NRXN3: variants seen among roughly 807,000 people sequenced by gnomAD.
NRXN3 encodes the protein neurexin III.
Under a neutral mutation model 137.6 loss-of-function variants are expected in NRXN3, and 32 were observed. The ratio of observed to expected loss-of-function variants is 0.23; its 90% CI spans 0.18 to 0.31. NRXN3 has a LOEUF of 0.31. NRXN3 is among the 10% of genes least tolerant of loss of function. The pLI is 1.00. For synonymous variants in NRXN3, 798 were observed against 784.5 expected (o/e 1.02, Z -0.29); for missense variants, 1,574 against 2,062.5 (o/e 0.76, Z 4.59).
chr14:78,419,944 T>TGC (rs1469709244), intron 4 of NRXN3, among the ~76,000 whole-genome samples: 4,657 of 17,132 alleles, frequency 0.27, 177 homozygotes, highest in South Asian at 0.43. Flanking sequence ...TGCACGTGTG[T>TGC]GCGCGCGCGC....
At chr14:78,424,605 T>A (rs2093587566) in intron 4 of NRXN3, among the ~76,000 whole-genome samples, 1 of 152,254 alleles carries the variant, frequency 6.6e-6, no homozygotes, top group African/African-American at 2.4e-5. Context: ...CTTTGTAATC[T>A]GAGACATCCC....
chr14:79,225,388 T>C lies in NRXN3; in HGVS notation c.3262+237247T>C, dbSNP rs537092283. Among the ~76,000 whole-genome samples, 36 of 152,304 alleles carry C rather than the reference T, an allele frequency of 2.4e-4. No individual in the cohort carries two copies. The East Asian group carries it at 6.6e-3, about 28-fold the overall frequency. On this transcript the variant is annotated intron_variant, in intron 15 of 20. Coordinates refer to ENST00000335750, the MANE Select transcript of NRXN3 (RefSeq NM_001330195.2). ...GGCCATAGGATAGCCTCATGTGCAC[T>C]TAGCTCAATGTTACTCTGAGTTTCT... is the stretch of plus-strand genomic sequence containing the variant.
chr14:78,977,987 C>T (rs1460617349), intron 14 of NRXN3, among the ~76,000 whole-genome samples: 1 of 152,092 alleles, frequency 6.6e-6, no homozygotes, highest in East Asian at 1.9e-4. Flanking sequence ...TACCATGAAG[C>T]CATCTCAGTC....
intron 10 of NRXN3, among the ~76,000 whole-genome samples, chr14:78,837,127 T>C (rs2098999332): frequency 6.6e-6 from 1 of 152,200 alleles, no homozygotes; most frequent in South Asian, 2.1e-4. Context: ...AAAAGTGAGA[T>C]TGTGAATGCA....
At chr14:78,874,973 C>T (rs1414896456) in intron 10 of NRXN3, among the ~76,000 whole-genome samples, 2 of 152,140 alleles carry the variant, frequency 1.3e-5, no homozygotes, top group African/African-American at 2.4e-5. Flanking sequence ...AGAGGACAGA[C>T]TTGAGCACAG....
chr14:79,482,368 T>G (rs1203842684), intron 16 of NRXN3, among the ~76,000 whole-genome samples: 1 of 152,140 alleles, frequency 6.6e-6, no homozygotes, highest in Non-Finnish European at 1.5e-5. Context: ...CAGGACCACC[T>G]TCACATACTC....
At position 79,315,011 on chromosome 14, in the gene NRXN3, T is replaced by A. The variant is rs572039404; in HGVS notation, c.3263-152210T>A. 8.5e-5 allele frequency among the ~76,000 whole-genome samples: 13 copies of A among 152,294 alleles called. No individual in the cohort carries two copies. The East Asian group carries it at 2.5e-3, about 29-fold the overall frequency. On this transcript the variant is annotated intron_variant, in intron 15 of 20. Transcript: ENST00000335750. ...TATATGCTATGGTCTGTCCAAATCT[T>A]CTGTGGCTGCCACTACAGCCTGATT... is the stretch of plus-strand genomic sequence containing the variant.
At chr14:79,384,486 A>C (rs1040008623) in intron 15 of NRXN3, among the ~76,000 whole-genome samples, 1 of 152,174 alleles carries the variant, frequency 6.6e-6, no homozygotes, top group Admixed American at 6.6e-5. Context: ...ATACAGAAAA[A>C]CAGTTAAATT....
chr14:78,589,916 C>T (rs1478548359), intron 4 of NRXN3, among the ~76,000 whole-genome samples: 1 of 152,158 alleles, frequency 6.6e-6, no homozygotes, highest in Non-Finnish European at 1.5e-5. Context: ...CAAATCGCAC[C>T]ATTGCACTCC....
At chr14:78,705,630 A>G (rs987883393) in intron 6 of NRXN3, among the ~76,000 whole-genome samples, 1 of 152,150 alleles carries the variant, frequency 6.6e-6, no homozygotes, top group African/African-American at 2.4e-5. Flanking sequence ...GTGTCCTACT[A>G]TGTCTAACAT....
At chr14:79,668,640 T>C (rs1333803393) in intron 17 of NRXN3, among the ~76,000 whole-genome samples, 1 of 152,080 alleles carries the variant, frequency 6.6e-6, no homozygotes, top group Non-Finnish European at 1.5e-5. Context: ...AGTAGTCTAG[T>C]TAGTAAGGTT....
intron 4 of NRXN3, among the ~76,000 whole-genome samples, chr14:78,505,264 T>C (rs2095965270): frequency 6.6e-6 from 1 of 152,170 alleles, no homozygotes; most frequent in South Asian, 2.1e-4. Context: ...GCTTTTGTTA[T>C]GGAGTTACAA....
At chr14:78,828,381 T>C (rs148377647) in intron 10 of NRXN3, among the ~76,000 whole-genome samples, 4 of 152,354 alleles carry the variant, frequency 2.6e-5, no homozygotes, top group African/African-American at 9.6e-5. Context: ...GGAGAGTTGG[T>C]GGTCCACTCT....
chr14:78,611,131 G>A (rs1039804018), intron 4 of NRXN3, among the ~76,000 whole-genome samples: 1 of 152,080 alleles, frequency 6.6e-6, no homozygotes, highest in Non-Finnish European at 1.5e-5. Flanking sequence ...GCAACGTGAA[G>A]ACAGCTGAAA....
intron 14 of NRXN3, among the ~76,000 whole-genome samples, chr14:78,975,396 A>G (rs1405700572): frequency 6.6e-6 from 1 of 152,188 alleles, no homozygotes; most frequent in Non-Finnish European, 1.5e-5. Context: ...GGAATCTACA[A>G]GAAGCTCAAT....
chr14:78,520,971 C>T (rs10467835), intron 4 of NRXN3, among the ~76,000 whole-genome samples: 3 of 152,146 alleles, frequency 2.0e-5, no homozygotes, highest in African/African-American at 4.8e-5. Context: ...GCTTTCTCCC[C>T]GGTCAGATTT....
intron 8 of NRXN3, among the ~76,000 whole-genome samples, chr14:78,718,036 A>T (rs2098442198): frequency 6.6e-6 from 1 of 152,158 alleles, no homozygotes; most frequent in African/African-American, 2.4e-5. Context: ...AAGAAAATGT[A>T]TTGGGTATTC....
intron 4 of NRXN3, among the ~76,000 whole-genome samples, chr14:78,408,132 T>C (rs1255579338): frequency 1.3e-5 from 2 of 152,186 alleles, no homozygotes; most frequent in Non-Finnish European, 1.5e-5. Context: ...AACAAGTTCA[T>C]GTGAAACAAA....
chr14:79,478,826 G>T (rs2096582167), intron 16 of NRXN3, among the ~76,000 whole-genome samples: 1 of 152,104 alleles, frequency 6.6e-6, no homozygotes, highest in South Asian at 2.1e-4. Flanking sequence ...CCAATAGGAA[G>T]ATTAGCAACC....
Sources: gnomAD v4.1 joint callset for allele counts (sites outside exome capture counted in the v4.1 genomes callset) on GRCh38, gnomAD v4.1.1 for gene constraint, MANE v1.5 for transcripts, NCBI Gene and HGNC (gene_info 2026-07-23, HGNC 2026-07-21) for gene names.